Variants in DPP10 observed in about 807,000 individuals in gnomAD.
The protein encoded by DPP10 is inactive dipeptidyl peptidase 10.
Under a neutral mutation model 120.9 loss-of-function variants are expected in DPP10, and 33 were observed. That is an observed-to-expected ratio of 0.27 (90% confidence interval 0.21 to 0.37). DPP10 has a LOEUF of 0.37. Ranked by LOEUF, DPP10 falls within the 10% of genes least tolerant of loss-of-function variation. The pLI, the probability that DPP10 is intolerant of heterozygous loss-of-function variation, is 1.00. For synonymous variants in DPP10, 337 were observed against 326.1 expected (o/e 1.03, Z -0.36); for missense variants, 816 against 942.8 (o/e 0.87, Z 1.76).
intron 1 of DPP10, among the ~76,000 whole-genome samples, chr2:114,820,279 C>T (rs1685980378): frequency 6.6e-6 from 1 of 152,120 alleles, no homozygotes; most frequent in Admixed American, 6.5e-5. Context: ...ATGCATGCCT[C>T]ATGGGTAAGA....
At chr2:114,467,192 A>G (rs955020866) in intron 1 of DPP10, among the ~76,000 whole-genome samples, 3 of 152,216 alleles carry the variant, frequency 2.0e-5, no homozygotes, top group Non-Finnish European at 4.4e-5. Flanking sequence ...GTAAGTGGTA[A>G]GGAACCCTTT....
At chr2:114,729,682 A>T (rs976011012) in intron 1 of DPP10, among the ~76,000 whole-genome samples, 2 of 152,218 alleles carry the variant, frequency 1.3e-5, no homozygotes, top group Non-Finnish European at 2.9e-5. Context: ...TTTCCAGCTG[A>T]TTCCAGTGCT....
At chr2:115,764,737 G>A (rs1033540262) in intron 12 of DPP10, among the ~76,000 whole-genome samples, 1 of 151,988 alleles carries the variant, frequency 6.6e-6, no homozygotes, top group African/African-American at 2.4e-5. Flanking sequence ...AAATGCCATT[G>A]GTCGTTTATC....
intron 1 of DPP10, among the ~76,000 whole-genome samples, chr2:114,598,793 G>T (rs187184279): frequency 6.6e-6 from 1 of 151,858 alleles, no homozygotes; most frequent in Admixed American, 6.6e-5. Flanking sequence ...GGAGAATTTG[G>T]TAGAAGGAAG....
At chr2:115,653,878 T>C (rs2088038756) in intron 5 of DPP10, among the ~76,000 whole-genome samples, 1 of 151,888 alleles carries the variant, frequency 6.6e-6, no homozygotes, top group Admixed American at 6.6e-5. Context: ...AACCTCCTTT[T>C]TGTTATCCAT....
chr2:114,788,572 C>T lies in DPP10; in HGVS notation c.60+345734C>T, dbSNP rs182852929. Reference sequence around the variant, plus strand: ...CTGGGACTACAGGCGCCCACCACCACGCCCGGCTAATTTTTTTTGTATTTT... The same window carrying T: ...CTGGGACTACAGGCGCCCACCACCATGCCCGGCTAATTTTTTTTGTATTTT... On this transcript the variant is annotated intron_variant, in intron 1 of 25. Coordinates refer to ENST00000410059, the MANE Select transcript of DPP10 (RefSeq NM_020868.6). 4.1e-3 allele frequency among the ~76,000 whole-genome samples: 630 copies of T among 152,108 alleles called. 5 individuals carry two copies. The highest frequency in any genetic ancestry group is 0.014 in the African/African-American group (580 of 41,496).
At position 115,836,285 on chromosome 2, in the gene DPP10, A is replaced by G. The variant is rs17045143; in HGVS notation, c.2050+29A>G. The stretch of plus-strand genomic sequence containing the variant: ...AGTACTTTCTACAGACTGACCTAGT[A>G]TAATGTATTGATTTGTAGAAAACGA... On this transcript the variant is annotated intron_variant, in intron 22 of 25. Coordinates refer to ENST00000410059, the MANE Select transcript of DPP10 (RefSeq NM_020868.6). The G allele has an allele frequency of 2.5e-3, 3,873 of 1,566,562 alleles. 77 individuals carry two copies. The African/African-American group carries it at 0.042, about 17-fold the overall frequency.
intron 1 of DPP10, among the ~76,000 whole-genome samples, chr2:114,497,047 A>G (rs1406166129): frequency 1.3e-5 from 2 of 150,758 alleles, no homozygotes; most frequent in Non-Finnish European, 3.0e-5. Flanking sequence ...ATATATATGC[A>G]TACACATACA....
At chr2:114,495,617 G>T (rs565494988) in intron 1 of DPP10, among the ~76,000 whole-genome samples, 16 of 152,198 alleles carry the variant, frequency 1.1e-4, no homozygotes, top group African/African-American at 3.1e-4. Flanking sequence ...CATTGCAAAG[G>T]GAGGTTTTAT....
intron 10 of DPP10, among the ~76,000 whole-genome samples, chr2:115,752,457 A>C (rs1227534833): frequency 6.6e-6 from 1 of 152,188 alleles, no homozygotes; most frequent in East Asian, 1.9e-4. Context: ...TTATATCTTT[A>C]TTATACCAAG....
At chr2:115,563,543 A>G (rs530394038) in intron 5 of DPP10, among the ~76,000 whole-genome samples, 2 of 152,210 alleles carry the variant, frequency 1.3e-5, no homozygotes, top group Non-Finnish European at 2.9e-5. Flanking sequence ...TAGGTAATAT[A>G]GGGATTCACA....
intron 1 of DPP10, among the ~76,000 whole-genome samples, chr2:115,308,038 C>A (rs1308907414): frequency 6.6e-6 from 1 of 152,072 alleles, no homozygotes; most frequent in Non-Finnish European, 1.5e-5. Context: ...AGGGAAACAA[C>A]AAACAACAAA....
rs892778089 is a variant in DPP10 at position 114,619,998 on chromosome 2, G to T, written c.60+177160G>T. Among the ~76,000 whole-genome samples, 5 of 151,894 alleles carry T rather than the reference G, an allele frequency of 3.3e-5. 1 individual carries two copies. The highest frequency in any genetic ancestry group is 7.4e-5 in the Non-Finnish European group (5 of 67,936). On this transcript the variant is annotated intron_variant, in intron 1 of 25. Transcript: ENST00000410059. ...CATAACAAACTGACCCATTAGGGAG[G>T]TTCATCAATTATTACTTAAAAAGGT...
Position 115,263,529 on chromosome 2 carries a change from G to A in DPP10, c.61-45710G>A, listed in dbSNP as rs1158213747. ...TGCCTTGATGTTTCTCCCAGAGCTT[G>A]CCTAGTCAAGCTTCATCCTCTTAGT... On this transcript the variant is annotated intron_variant, in intron 1 of 25. Coordinates refer to ENST00000410059, the MANE Select transcript of DPP10 (RefSeq NM_020868.6). Among the ~76,000 whole-genome samples the A allele has an allele frequency of 2.6e-5, 4 of 152,284 alleles. No individual in the cohort carries two copies. The East Asian group carries it at 5.8e-4, about 22-fold the overall frequency.
intron 1 of DPP10, among the ~76,000 whole-genome samples, chr2:114,775,179 C>T (rs1681616534): frequency 6.6e-6 from 1 of 152,030 alleles, no homozygotes; most frequent in Non-Finnish European, 1.5e-5. Flanking sequence ...TTAGTCCTAA[C>T]AATAATAATG....
rs1476901026 is a variant in DPP10, at chr2:115,402,854, A to AAAATATAT, written c.271+58943_271+58944insAATATATA. 5.6e-3 allele frequency among the ~76,000 whole-genome samples: 544 copies of AAAATATAT among 97,608 alleles called. 14 individuals are homozygous for AAAATATAT. Among genetic ancestry groups the AAAATATAT allele is most frequent in the East Asian group, 0.041 (127 of 3,116 alleles). The allele number at this position is 97,608 out of a possible 152,430, so 64.0% of individuals were successfully genotyped here. A position where few individuals can be genotyped will look rare whatever the true frequency, so the allele number is the denominator to read the frequency against. On this transcript the variant is annotated intron_variant, in intron 3 of 25. Coordinates refer to ENST00000410059, the MANE Select transcript of DPP10 (RefSeq NM_020868.6). ...AGGACACTACAAGGAAAAAAAAAAA[A>AAAATATAT]ATATATATATATATATATATATGTG...
chr2:115,057,855 G>T (rs1706055326), intron 1 of DPP10, among the ~76,000 whole-genome samples: 1 of 152,190 alleles, frequency 6.6e-6, no homozygotes. Context: ...GCTTGGAAAA[G>T]ATGGGCTAGG....
intron 1 of DPP10, among the ~76,000 whole-genome samples, chr2:114,534,843 A>G (rs368719605): frequency 1.3e-5 from 2 of 151,934 alleles, no homozygotes; most frequent in East Asian, 3.9e-4. Context: ...TGTTACTTTG[A>G]CCTCTTCCTT....
chr2:115,005,558 T>C (rs1015742273), intron 1 of DPP10, among the ~76,000 whole-genome samples: 3 of 151,786 alleles, frequency 2.0e-5, no homozygotes, highest in Admixed American at 6.6e-5. Flanking sequence ...GCTCGAGAAC[T>C]ACGTGAAGAA....
Sources: allele counts gnomAD v4.1 joint callset (sites outside exome capture counted in the v4.1 genomes callset), GRCh38; gene constraint gnomAD v4.1.1; transcripts MANE v1.5; gene names NCBI Gene and HGNC (gene_info 2026-07-23, HGNC 2026-07-21).